The following CACNA2D3 variants were observed in gnomAD, a reference collection of about 807,000 sequenced individuals.
CACNA2D3 encodes calcium voltage-gated channel auxiliary subunit alpha2delta 3, also known as voltage-dependent calcium channel subunit alpha-2/delta-3.
A neutral mutation model predicts 160.6 loss-of-function variants in CACNA2D3; 60 were observed. The ratio of observed to expected loss-of-function variants is 0.37; its 90% CI spans 0.30 to 0.46. CACNA2D3 has a LOEUF of 0.46. Among genes scored for constraint, CACNA2D3 ranks in the 20% least tolerant of loss-of-function variants. The probability of loss-of-function intolerance (pLI) is 1.00; values close to 1 mark genes in which losing one functional copy is unlikely to be tolerated. For missense variants in CACNA2D3, 1,205 were observed against 1,365.0 expected (o/e 0.88, Z 1.85); for synonymous variants, 558 against 492.9 (o/e 1.13, Z -1.75).
intron 32 of CACNA2D3, among the ~76,000 whole-genome samples, chr3:55,006,501 G>A (rs1703098053): frequency 6.6e-6 from 1 of 152,198 alleles, no homozygotes; most frequent in African/African-American, 2.4e-5. Flanking sequence ...TTTTCAAGCC[G>A]TAAAATGTAA....
At chr3:55,053,186 C>T (rs1019836279) in intron 35 of CACNA2D3, among the ~76,000 whole-genome samples, 6 of 151,986 alleles carry the variant, frequency 3.9e-5, no homozygotes, top group Non-Finnish European at 8.8e-5. Flanking sequence ...CAAGTTACTA[C>T]TGATTTTCTT....
intron 15 of CACNA2D3, 105 bp downstream of exon 15, chr3:54,837,335 A>G (rs575208002): frequency 3.5e-4 from 308 of 881,592 alleles, no homozygotes; most frequent in Middle Eastern, 2.7e-3. Context: ...CATAGGATGT[A>G]TGTCATTTTT....
At chr3:55,068,343 C>T (rs530382966) in intron 35 of CACNA2D3, among the ~76,000 whole-genome samples, 10 of 152,294 alleles carry the variant, frequency 6.6e-5, no homozygotes, top group Middle Eastern at 3.4e-3. Context: ...AAGAATTGAG[C>T]GCATTTAATT....
intron 5 of CACNA2D3, among the ~76,000 whole-genome samples, chr3:54,545,282 T>A (rs1702043668): frequency 1.3e-5 from 2 of 152,230 alleles, no homozygotes; most frequent in Admixed American, 1.3e-4. Context: ...TTTAAAACAA[T>A]TTCAGCTAAA....
intron 9 of CACNA2D3, chr3:54,626,544 G>A (rs1575390901): frequency 6.2e-7 from 1 of 1,603,198 alleles, no homozygotes; most frequent in African/African-American, 1.3e-5. Context: ...AGCCCGAGAT[G>A]ATCGACCACT....
intron 13 of CACNA2D3, among the ~76,000 whole-genome samples, chr3:54,771,759 T>TGC (rs1702326131): frequency 6.6e-6 from 1 of 152,140 alleles, no homozygotes; most frequent in Non-Finnish European, 1.5e-5. Context: ...GTAATCTAAT[T>TGC]ATACCAGGGA....
intron 2 of CACNA2D3, among the ~76,000 whole-genome samples, chr3:54,125,930 T>C (rs1699582299): frequency 6.6e-6 from 1 of 152,230 alleles, no homozygotes; most frequent in Admixed American, 6.5e-5. Context: ...ATCATATCAC[T>C]GTGTCCTTAA....
chr3:55,018,595 G>A (rs1057318440), intron 35 of CACNA2D3, among the ~76,000 whole-genome samples: 1 of 152,110 alleles, frequency 6.6e-6, no homozygotes, highest in African/African-American at 2.4e-5. Context: ...CTTAATTGGT[G>A]CTTTCTTAAT....
In CACNA2D3 at chr3:54,254,861, G is replaced by T. The variant is rs74728747; in HGVS notation, c.205-65581G>T. The stretch of plus-strand genomic sequence containing the variant: ...GATGAGCGCTGTCCTTACCTGCAAT[G>T]TGGAGGCTTTATCAATGGAATCTAT... On this transcript the variant is annotated intron_variant, in intron 2 of 37. Coordinates refer to ENST00000474759, the MANE Select transcript of CACNA2D3 (RefSeq NM_018398.3). 9.7e-3 allele frequency among the ~76,000 whole-genome samples: 1,473 copies of T among 152,322 alleles called. 25 individuals are homozygous for T. Among genetic ancestry groups the T allele is most frequent in the East Asian group, 0.046 (237 of 5,172 alleles).
intron 23 of CACNA2D3, among the ~76,000 whole-genome samples, chr3:54,886,935 C>CTTTTCTTTT (rs1699939705): frequency 9.3e-6 from 1 of 107,748 alleles, no homozygotes; most frequent in Non-Finnish European, 1.7e-5. Flanking sequence ...CAGCAAAGCT[C>CTTTTCTTTT]TTTTTTTTTT....
At chr3:54,153,565 C>T (rs1440276547) in intron 2 of CACNA2D3, among the ~76,000 whole-genome samples, 2 of 152,058 alleles carry the variant, frequency 1.3e-5, no homozygotes, top group East Asian at 1.9e-4. Context: ...GGGAGGAGAA[C>T]TGGATGGATA....
At position 54,642,134 on chromosome 3, in the gene CACNA2D3, C is replaced by T; in HGVS notation, c.1060C>T (p.His354Tyr). ...AACTTATTTCTTTCCCTAGTTCAAC[C>T]ACACGGGACAAGGAAGTATCTGCAG... ...EAFNILSDFN[H>Y]TGQGSICSQA... The change falls in exon 11 of 38, where the codon CAC becomes TAC. Residue 354 changes from histidine to tyrosine, a missense_variant. His to Tyr is a moderately conservative substitution (Grantham distance 83, BLOSUM62 2). Around this residue, in one of 3 missense-constraint regions of CACNA2D3, gnomAD observed 911 missense variants for 1,002.2 expected, o/e 0.91. Transcript: ENST00000474759. 1.2e-6 allele frequency: 2 copies of T among 1,606,096 alleles called. No individual in the cohort carries two copies. The highest frequency in any genetic ancestry group is 8.5e-7 in the Non-Finnish European group (1 of 1,174,914).
chr3:54,870,645 G>C (rs990402866), intron 17 of CACNA2D3, among the ~76,000 whole-genome samples: 1 of 152,168 alleles, frequency 6.6e-6, no homozygotes, highest in Non-Finnish European at 1.5e-5. Context: ...ACTAACACCA[G>C]TGATTTAGGG....
At chr3:54,367,281 T>C (rs529845325) in intron 3 of CACNA2D3, among the ~76,000 whole-genome samples, 1 of 152,298 alleles carries the variant, frequency 6.6e-6, no homozygotes, top group East Asian at 1.9e-4. Flanking sequence ...AGGAAGACTT[T>C]TCAGTTAAAT....
chr3:54,287,209 C>G (rs1703054482), intron 2 of CACNA2D3, among the ~76,000 whole-genome samples: 1 of 151,976 alleles, frequency 6.6e-6, no homozygotes, highest in Non-Finnish European at 1.5e-5. Flanking sequence ...CACACATAGG[C>G]TCAAAATAAA....
chr3:54,569,670 TG>T, intron 6 of CACNA2D3, 124 bp from the exon 7 acceptor site: 1 of 750,764 alleles, frequency 1.3e-6, no homozygotes, highest in Admixed American at 2.1e-5. Context: ...TGATGAGCTC[TG>T]GGGTTGGTCT....
chr3:54,716,228 AC>A (rs1173337323), intron 11 of CACNA2D3, among the ~76,000 whole-genome samples: 2 of 152,182 alleles, frequency 1.3e-5, no homozygotes, highest in East Asian at 1.9e-4. Flanking sequence ...ATAAGTGCAA[AC>A]CAAAAAGCAT....
At chr3:54,577,540 C>T (rs1408814470) in intron 8 of CACNA2D3, among the ~76,000 whole-genome samples, 1 of 152,228 alleles carries the variant, frequency 6.6e-6, no homozygotes, top group Non-Finnish European at 1.5e-5. Flanking sequence ...ACTGACATCA[C>T]CCTCTTCCTT....
chr3:54,289,901 A>G (rs1187741322), intron 2 of CACNA2D3, among the ~76,000 whole-genome samples: 3 of 152,124 alleles, frequency 2.0e-5, no homozygotes, highest in African/African-American at 7.2e-5. Context: ...TTATACAAAA[A>G]TTAATTCAAG....
Sources: allele counts gnomAD v4.1 joint callset (sites outside exome capture counted in the v4.1 genomes callset), GRCh38; gene constraint gnomAD v4.1.1; regional missense constraint gnomAD v4.1.1; transcripts MANE v1.5; gene names NCBI Gene and HGNC (gene_info 2026-07-23, HGNC 2026-07-21).